The following UTP20 variants were observed in gnomAD, a reference collection of about 807,000 sequenced individuals.
UTP20 encodes the protein UTP20 small subunit processome component, also known as small subunit processome component 20 homolog.
Under a neutral mutation model 329.5 loss-of-function variants are expected in UTP20, and 164 were observed. The ratio of observed to expected loss-of-function variants is 0.50; its 90% CI spans 0.44 to 0.57. UTP20 has a LOEUF of 0.57. Ranked by LOEUF, UTP20 falls within the 20% of genes least tolerant of loss-of-function variation. The probability of loss-of-function intolerance (pLI) is 0.00; values close to 1 mark genes in which losing one functional copy is unlikely to be tolerated. For missense variants in UTP20, 3,055 were observed against 3,284.2 expected (o/e 0.93, Z 1.71); for synonymous variants, 1,151 against 1,159.3 (o/e 0.99, Z 0.14).
chr12:101,312,049 G>T lies in UTP20; in HGVS notation c.2325G>T (p.Gln775His), dbSNP rs934531426. The change falls in exon 21 of 62, where the codon CAG becomes CAT. Residue 775 changes from glutamine to histidine, a missense_variant. Gln to His is a conservative substitution (Grantham distance 24, BLOSUM62 0). This residue lies in a region of UTP20 where 2,445 missense variants were observed against 2,575.5 expected (regional missense o/e 0.95). Coordinates refer to ENST00000261637, the MANE Select transcript of UTP20 (RefSeq NM_014503.3). Reference protein sequence around the residue: ...KAATHAEKELQNDMTDEKSVG... With the variant: ...KAATHAEKELHNDMTDEKSVG... ...TCTTTCTTGCAGAGAAGGAACTACA[G>T]AATGATATGACAGATGAGAAGTCCG... The T allele has an allele frequency of 1.4e-5, 22 of 1,614,226 alleles. No individual in the cohort carries two copies. Among genetic ancestry groups the T allele is most frequent in the Non-Finnish European group, 1.7e-5 (20 of 1,180,040 alleles).
chr12:101,383,441 G>A (rs1457139069), intron 59 of UTP20, 102 bp from the exon 60 acceptor site: 42 of 1,513,670 alleles, frequency 2.8e-5, no homozygotes, highest in South Asian at 1.4e-4. Context: ...AATAACATCC[G>A]TCCCAAAATA....
Position 101,368,904 on chromosome 12 carries a change from A to AGC in UTP20, c.6385-817_6385-816insGC, listed in dbSNP as rs1170708578. 6.2e-3 allele frequency among the ~76,000 whole-genome samples: 943 copies of AGC among 152,214 alleles called. 5 individuals are homozygous for AGC. Among genetic ancestry groups the AGC allele is most frequent in the African/African-American group, 0.022 (895 of 41,522 alleles). On this transcript the variant is annotated intron_variant, in intron 48 of 61. Coordinates refer to ENST00000261637, the MANE Select transcript of UTP20 (RefSeq NM_014503.3). ...CCCAAGCTCGCTCTTCTGTGTCTTA[A>AGC]TCCAGCCCACTGAAGAGTTCTCAGC...
chr12:101,294,060 G>T (rs1872262383), intron 11 of UTP20, among the ~76,000 whole-genome samples: 1 of 151,656 alleles, frequency 6.6e-6, no homozygotes, highest in Non-Finnish European at 1.5e-5. Flanking sequence ...TTTAGAGACG[G>T]AGTCTCACTC....
chr12:101,371,643 C>T (rs1476652430), intron 51 of UTP20, among the ~76,000 whole-genome samples: 4 of 147,616 alleles, frequency 2.7e-5, no homozygotes, highest in East Asian at 4.2e-4. Flanking sequence ...AAGTGATTCT[C>T]CTGCCTCAGC....
chr12:101,345,511 T>C (rs1266837154), intron 36 of UTP20, 43 bp from the exon 37 acceptor site: 2 of 1,282,554 alleles, frequency 1.6e-6, no homozygotes, highest in Admixed American at 2.7e-5. Context: ...AGAAACAAAT[T>C]CTTTTTAAAA....
chr12:101,365,452 C>G lies in UTP20; in HGVS notation c.5959-7C>G. On this transcript the variant is annotated splice_polypyrimidine_tract_variant and splice_region_variant and intron_variant, in intron 45 of 61. Coordinates refer to ENST00000261637, the MANE Select transcript of UTP20 (RefSeq NM_014503.3). ...ATCTCAGCATGACATTTATGTTTTG[C>G]CTTTAGATCTTACAAAATACCACGA... 6.3e-7 allele frequency: 1 copy of G among 1,595,256 alleles called. No homozygotes were observed. Among genetic ancestry groups the G allele is most frequent in the Non-Finnish European group, 8.5e-7 (1 of 1,173,308 alleles).
rs1872178569 is a variant in UTP20 at position 101,292,098 on chromosome 12, A to G, written c.1167A>G (p.Ile389Met). The part of the protein sequence containing the change: ...SLPETLIKET[I>M]EKIFESRFEK... ...CGGAGACCCTCATCAAAGAAACCAT[A>G]GAAAAAGTAATTTACTTCAACAAAT... Residue 389 changes from isoleucine (I) to methionine (M), a missense_variant, in exon 10 of 62, where the codon ATA (isoleucine) becomes ATG (methionine). Physicochemically the swap from Ile to Met is conservative, Grantham distance 10. Around this residue, in one of 3 missense-constraint regions of UTP20, gnomAD observed 2,445 missense variants for 2,575.5 expected, o/e 0.95. Transcript: ENST00000261637. 2.5e-6 allele frequency: 4 copies of G among 1,612,160 alleles called. No homozygotes were observed. In the East Asian group the frequency reaches 8.9e-5, roughly 36 times the overall value.
rs368428067 is a variant in UTP20, at chr12:101,371,756, T to G, written c.6798+588T>G. On this transcript the variant is annotated intron_variant, in intron 51 of 61. Transcript: ENST00000261637. ...ACCATGTTGGCCAGGATGGTCTTGA[T>G]CTCTTGACCTTGTGATCCACCCACC... Among the ~76,000 whole-genome samples, 14 of 152,140 alleles carry G rather than the reference T, an allele frequency of 9.2e-5. No homozygotes were observed. In the East Asian group the frequency reaches 1.4e-3, roughly 15 times the overall value.
In UTP20 at chr12:101,352,082, G is replaced by A; in HGVS notation, c.4912G>A (p.Glu1638Lys). 1 of 1,613,784 alleles carries A rather than the reference G, an allele frequency of 6.2e-7. No homozygotes were observed. Among genetic ancestry groups the A allele is most frequent in the Non-Finnish European group, 8.5e-7 (1 of 1,179,976 alleles). Residue 1638 changes from glutamate (E) to lysine (K), a missense_variant, in exon 39 of 62, where the codon GAG (glutamate) becomes AAG (lysine). Physicochemically the swap from Glu to Lys is moderately conservative, Grantham distance 56. Coordinates refer to ENST00000261637, the MANE Select transcript of UTP20 (RefSeq NM_014503.3). ...TGAAAATATAACCACTGCTGCCACA[G>A]AGATTATTGGAGCCATTTGCAAACA... ...KHENITTAATEIIGAICKHLS... is the reference protein window; with the variant it reads ...KHENITTAATKIIGAICKHLS...
intron 21 of UTP20, among the ~76,000 whole-genome samples, chr12:101,316,735 CA>C (rs977870508): frequency 6.1e-4 from 93 of 152,222 alleles, no homozygotes; most frequent in African/African-American, 2.1e-3. Flanking sequence ...CAATAGACAA[CA>C]AAAGGTTAAT....
intron 43 of UTP20, 64 bp downstream of exon 43, chr12:101,357,146 A>G: frequency 1.4e-6 from 2 of 1,465,470 alleles, no homozygotes; most frequent in Non-Finnish European, 1.8e-6. Flanking sequence ...CAGCTTGAAC[A>G]CTGTAAGTTA....
Position 101,356,600 on chromosome 12 carries a change from A to G in UTP20, c.5441A>G (p.Asn1814Ser). 4 of 1,613,980 alleles carry G rather than the reference A, an allele frequency of 2.5e-6. No homozygotes were observed. The highest frequency in any genetic ancestry group is 3.4e-6 in the Non-Finnish European group (4 of 1,179,932). ...EHKLVKSKVVNDEEVVRVPLA... is the reference protein window; with the variant it reads ...EHKLVKSKVVSDEEVVRVPLA... ...AAGCTTGTCAAGTCAAAGGTTGTGAATGATGAGGAAGTCGTTCGAGTTCCA... is the reference window on the plus strand; with the variant it reads ...AAGCTTGTCAAGTCAAAGGTTGTGAGTGATGAGGAAGTCGTTCGAGTTCCA... Residue 1814 changes from asparagine to serine, a missense_variant, in exon 42 of 62, where the codon AAT becomes AGT. Physicochemically the swap from Asn to Ser is conservative, Grantham distance 46 (BLOSUM62 1). Around this residue, in one of 3 missense-constraint regions of UTP20, gnomAD observed 2,445 missense variants for 2,575.5 expected, o/e 0.95. Coordinates refer to ENST00000261637, the MANE Select transcript of UTP20 (RefSeq NM_014503.3).
intron 40 of UTP20, among the ~76,000 whole-genome samples, chr12:101,354,433 A>G (rs575408729): frequency 2.0e-4 from 31 of 152,128 alleles, no homozygotes; most frequent in African/African-American, 7.0e-4. Flanking sequence ...ATTCCCACTA[A>G]CTTGTAAAAT....
At chr12:101,283,867 A>C (rs191127386) in intron 2 of UTP20, among the ~76,000 whole-genome samples, 279 of 151,986 alleles carry the variant, frequency 1.8e-3, no homozygotes, top group Non-Finnish European at 3.0e-3. Context: ...ATTTAATGGG[A>C]TTCTCTTTCT....
rs111828261 is a variant in UTP20 at position 101,352,334 on chromosome 12, A to G, written c.5024+140A>G. The stretch of plus-strand genomic sequence containing the variant: ...TTTGGGTTGGTTCCAAGTCTTTGCT[A>G]TTATGGATAATGCCACAATAAACAT... On this transcript the variant is annotated intron_variant, in intron 39 of 61. Transcript: ENST00000261637. 42 of 776,648 alleles carry G rather than the reference A, an allele frequency of 5.4e-5. No homozygotes were observed. The African/African-American group carries it at 6.2e-4, about 11-fold the overall frequency. The allele number at this position is 776,648 out of a possible 1,614,324, so 48.1% of individuals were successfully genotyped here. A position where few individuals can be genotyped will look rare whatever the true frequency, so the allele number is the denominator to read the frequency against.
rs1196497435 is a variant in UTP20, at chr12:101,280,154, C to T, written c.-129C>T. Reference sequence around the variant, plus strand: ...CATGGCGGCGCCCAGGGGCTCAAGCCGCACGTGAGAAAGTCTGGGCATCTG... The same window carrying T: ...CATGGCGGCGCCCAGGGGCTCAAGCTGCACGTGAGAAAGTCTGGGCATCTG... On this transcript the variant is annotated 5_prime_UTR_variant, in exon 1 of 62. Coordinates refer to ENST00000261637, the MANE Select transcript of UTP20 (RefSeq NM_014503.3). 4 of 1,239,890 alleles carry T rather than the reference C, an allele frequency of 3.2e-6. No individual in the cohort carries two copies. Among genetic ancestry groups the T allele is most frequent in the African/African-American group, 1.5e-5 (1 of 65,200 alleles). 76.8% of individuals were successfully genotyped at this position (1,239,890 alleles called of 1,614,324 possible). A position where few individuals can be genotyped will look rare whatever the true frequency, so the allele number is the denominator to read the frequency against.
chr12:101,384,541 A>T (rs1870763735), intron 60 of UTP20, among the ~76,000 whole-genome samples: 2 of 152,362 alleles, frequency 1.3e-5, no homozygotes, highest in South Asian at 4.1e-4. Flanking sequence ...ATACTGTCTC[A>T]AAAGAAAGAT....
intron 4 of UTP20, 57 bp downstream of exon 4, chr12:101,285,938 A>G: frequency 6.3e-7 from 1 of 1,590,070 alleles, no homozygotes; most frequent in Non-Finnish European, 8.6e-7. Flanking sequence ...TTTAAGAAAG[A>G]TTGTGTTTCA....
chr12:101,321,432 A>C (rs890676309), intron 24 of UTP20, 72 bp from the exon 25 acceptor site: 1 of 1,588,530 alleles, frequency 6.3e-7, no homozygotes, highest in Non-Finnish European at 8.6e-7. Flanking sequence ...CTCTGTGTAC[A>C]TATTTCACTC....
Sources: gnomAD v4.1 joint callset for allele counts (sites outside exome capture counted in the v4.1 genomes callset) on GRCh38, gnomAD v4.1.1 for gene constraint, gnomAD v4.1.1 regional missense constraint, MANE v1.5 for transcripts, NCBI Gene and HGNC (gene_info 2026-07-23, HGNC 2026-07-21) for gene names.